The following RANBP17 variants were observed in gnomAD, a reference collection of about 807,000 sequenced individuals.
RANBP17 encodes RAN binding protein 17.
RANBP17 carries 158 observed loss-of-function variants against 141.2 expected under a neutral mutation model. The ratio of observed to expected loss-of-function variants is 1.12; its 90% CI spans 0.98 to 1.28. The LOEUF is 1.28. RANBP17 is among the 50% of genes most tolerant of loss of function. The probability of loss-of-function intolerance (pLI) is 0.00; values close to 1 mark genes in which losing one functional copy is unlikely to be tolerated. For synonymous variants in RANBP17, 430 were observed against 450.0 expected, an observed-to-expected ratio of 0.96 and a Z score of 0.56; for missense variants, 1,438 against 1,290.7, an observed-to-expected ratio of 1.11 and a Z score of -1.75.
At chr5:171,244,221 G>A (rs1401467079) in intron 24 of RANBP17, among the ~76,000 whole-genome samples, 1 of 151,726 alleles carries the variant, frequency 6.6e-6, no homozygotes, top group African/African-American at 2.4e-5. Flanking sequence ...GTGAAACCCT[G>A]TCTCTACTGA....
chr5:170,882,310 G>A (rs145550944), intron 3 of RANBP17, among the ~76,000 whole-genome samples: 3,073 of 152,198 alleles, frequency 0.02, 116 homozygotes, highest in African/African-American at 0.07. Context: ...TTGATCTCTT[G>A]ACCTCGTGAT....
intron 14 of RANBP17, among the ~76,000 whole-genome samples, chr5:171,123,656 A>G (rs184332724): frequency 2.0e-5 from 3 of 152,312 alleles, no homozygotes; most frequent in East Asian, 3.9e-4. Context: ...ATGGCCTGCT[A>G]CTGCATGGTT....
chr5:170,983,024 A>T (rs1039013524), intron 14 of RANBP17: 1 of 461,852 alleles, frequency 2.2e-6, no homozygotes, highest in African/African-American at 2.0e-5. Flanking sequence ...CTTTTCACTC[A>T]GACAAAGCCT....
rs183811751 is a variant in RANBP17 at position 170,936,665 on chromosome 5, C to T, written c.1468+12115C>T. 4.1e-3 allele frequency among the ~76,000 whole-genome samples: 619 copies of T among 152,098 alleles called. 5 individuals are homozygous for T. The highest frequency in any genetic ancestry group is 0.014 in the African/African-American group (597 of 41,476). ...CCAGAATATTGTCTGTCCTGGCAAACGTAGCATATACACTTGAAAAGAATA... is the reference window on the plus strand; with the variant it reads ...CCAGAATATTGTCTGTCCTGGCAAATGTAGCATATACACTTGAAAAGAATA... On this transcript the variant is annotated intron_variant, in intron 12 of 27. Coordinates refer to ENST00000523189, the MANE Select transcript of RANBP17 (RefSeq NM_022897.5).
At chr5:171,289,550 C>T (rs1768360492) in intron 25 of RANBP17, among the ~76,000 whole-genome samples, 1 of 151,870 alleles carries the variant, frequency 6.6e-6, no homozygotes, top group Admixed American at 6.6e-5. Context: ...CCAGCCTGGG[C>T]AACAAAAAGA....
intron 1 of RANBP17, among the ~76,000 whole-genome samples, chr5:170,862,904 C>T (rs757231365): frequency 2.0e-5 from 3 of 152,142 alleles, no homozygotes; most frequent in Non-Finnish European, 2.9e-5. Context: ...TAGAAATAGT[C>T]ACAGTATCAT....
At position 171,213,613 on chromosome 5, in the gene RANBP17, T is replaced by C; in HGVS notation, c.2232-18T>C. On this transcript the variant is annotated intron_variant, in intron 20 of 27. Transcript: ENST00000523189. ...TATTTCTTTAGACCCTTAAATTCTTTAACAGGCTTTATAAAAGGTACCCAA... is the reference window on the plus strand; with the variant it reads ...TATTTCTTTAGACCCTTAAATTCTTCAACAGGCTTTATAAAAGGTACCCAA... The C allele has an allele frequency of 6.3e-7, 1 of 1,580,988 alleles. No individual in the cohort carries two copies. The highest frequency in any genetic ancestry group is 1.1e-5 in the South Asian group (1 of 90,290).
At chr5:171,090,435 A>G (rs1420216696) in intron 14 of RANBP17, among the ~76,000 whole-genome samples, 1 of 152,218 alleles carries the variant, frequency 6.6e-6, no homozygotes, top group African/African-American at 2.4e-5. Context: ...TGTTAAAGGC[A>G]TTCAGTTTTA....
chr5:171,189,549 T>C (rs1761489458), intron 18 of RANBP17, among the ~76,000 whole-genome samples: 1 of 152,218 alleles, frequency 6.6e-6, no homozygotes, highest in Non-Finnish European at 1.5e-5. Context: ...CAAGACACCG[T>C]CATTGTGGCT....
intron 14 of RANBP17, among the ~76,000 whole-genome samples, chr5:171,105,274 T>C (rs984952327): frequency 7.2e-6 from 1 of 139,424 alleles, no homozygotes; most frequent in Non-Finnish European, 1.5e-5. Context: ...CCCAGCTACT[T>C]GGGAGGCTGA....
At chr5:171,174,965 T>G (rs1206589104) in intron 16 of RANBP17, among the ~76,000 whole-genome samples, 1 of 151,936 alleles carries the variant, frequency 6.6e-6, no homozygotes, top group Non-Finnish European at 1.5e-5. Flanking sequence ...TTCACCCCCC[T>G]ACAGGCCCTG....
Position 170,881,914 on chromosome 5 carries a change from CT to C in RANBP17, c.256+23del. ...GGACATCAGTAAGTGGCTTATTATG[CT>C]TTTTAACCAACTGCGCTTTAAAAAT... On this transcript the variant is annotated intron_variant, in intron 3 of 27. Coordinates refer to ENST00000523189, the MANE Select transcript of RANBP17 (RefSeq NM_022897.5). 6.6e-7 allele frequency: 1 copy of C among 1,516,848 alleles called. No homozygotes were observed. Among genetic ancestry groups the C allele is most frequent in the Non-Finnish European group, 9.0e-7 (1 of 1,111,312 alleles). 94.0% of individuals were successfully genotyped at this position (1,516,848 alleles called of 1,614,324 possible).
intron 14 of RANBP17, among the ~76,000 whole-genome samples, chr5:170,981,453 C>A (rs954650044): frequency 1.3e-5 from 2 of 152,062 alleles, no homozygotes; most frequent in African/African-American, 4.8e-5. Context: ...TAATTGAATT[C>A]TCACGTGTTG....
chr5:171,285,185 A>T (rs1768093878), intron 25 of RANBP17, among the ~76,000 whole-genome samples: 1 of 152,220 alleles, frequency 6.6e-6, no homozygotes, highest in African/African-American at 2.4e-5. Flanking sequence ...TGCATCTTTT[A>T]AGATTCAACT....
intron 19 of RANBP17, among the ~76,000 whole-genome samples, chr5:171,202,804 G>C (rs1432171151): frequency 6.6e-6 from 1 of 152,156 alleles, no homozygotes; most frequent in African/African-American, 2.4e-5. Flanking sequence ...TAATTCTAAA[G>C]ACAAAGCACA....
chr5:171,259,538 T>C (rs941782973), intron 24 of RANBP17, among the ~76,000 whole-genome samples: 1 of 151,972 alleles, frequency 6.6e-6, no homozygotes, highest in Admixed American at 6.5e-5. Context: ...TGTTCAGCCA[T>C]AAAAAAAGAA....
chr5:171,057,488 T>C (rs1456041929), intron 14 of RANBP17, among the ~76,000 whole-genome samples: 1 of 152,162 alleles, frequency 6.6e-6, no homozygotes, highest in Non-Finnish European at 1.5e-5. Flanking sequence ...TTCCTCTTCA[T>C]TCTGTCTTAT....
chr5:171,091,892 A>G (rs1412836943), intron 14 of RANBP17, among the ~76,000 whole-genome samples: 1 of 152,160 alleles, frequency 6.6e-6, no homozygotes, highest in Non-Finnish European at 1.5e-5. Flanking sequence ...AGTCTTGGGT[A>G]TGTCTTTATC....
chr5:170,981,293 T>A (rs1283415159), intron 14 of RANBP17, among the ~76,000 whole-genome samples: 2 of 152,178 alleles, frequency 1.3e-5, no homozygotes, highest in African/African-American at 4.8e-5. Flanking sequence ...GTTAAGACTT[T>A]GAGGGACTGT....
Sources: gnomAD v4.1 joint callset for allele counts (sites outside exome capture counted in the v4.1 genomes callset) on GRCh38, gnomAD v4.1.1 for gene constraint, MANE v1.5 for transcripts, NCBI Gene and HGNC (gene_info 2026-07-23, HGNC 2026-07-21) for gene names.